Variants in PIGL observed in about 807,000 individuals in gnomAD.
PIGL encodes the protein N-acetylglucosaminyl-phosphatidylinositol de-N-acetylase.
A neutral mutation model predicts 31.1 loss-of-function variants in PIGL; 22 were observed. The ratio of observed to expected loss-of-function variants is 0.71; its 90% CI spans 0.51 to 1.01. PIGL has a LOEUF of 1.01. Among genes scored for constraint, PIGL ranks in the 50% least tolerant of loss-of-function variants. The probability of loss-of-function intolerance (pLI) is 0.00; values close to 1 mark genes in which losing one functional copy is unlikely to be tolerated. For missense variants in PIGL, 302 were observed against 315.9 expected, an observed-to-expected ratio of 0.96 and a Z score of 0.33; for synonymous variants, 131 against 117.4, an observed-to-expected ratio of 1.12 and a Z score of -0.75.
rs2092742511 is a variant in PIGL at position 16,245,721 on chromosome 17, TATATATATACACACACAC to T, written c.335+11669_335+11686del. On this transcript the variant is annotated intron_variant, in intron 2 of 6. Transcript: ENST00000225609. ...CCTGGCCTATATATATATACACACA[TATATATATACACACACAC>T]ATATATATACACACACATATATATA... Among the ~76,000 whole-genome samples, 5 of 150,562 alleles carry T rather than the reference TATATATATACACACACAC, an allele frequency of 3.3e-5. No individual in the cohort carries two copies. In the South Asian group the frequency reaches 1.1e-3, roughly 33 times the overall value.
chr17:16,306,042 G>A (rs368411772), intron 3 of PIGL, among the ~76,000 whole-genome samples: 7 of 152,258 alleles, frequency 4.6e-5, no homozygotes, highest in East Asian at 1.9e-4. Context: ...TCCGCCTCCC[G>A]GGTTCAAGCA....
chr17:16,290,726 G>A (rs2092956920), intron 2 of PIGL, among the ~76,000 whole-genome samples: 1 of 151,716 alleles, frequency 6.6e-6, no homozygotes, highest in South Asian at 2.1e-4. Flanking sequence ...TCTCACCCAG[G>A]TTGCAGTACA....
chr17:16,289,774 ACTTTT>A (rs374791908), intron 2 of PIGL, among the ~76,000 whole-genome samples: 1,585 of 151,418 alleles, frequency 0.01, 27 homozygotes, highest in African/African-American at 0.035. Context: ...GCAATGCCAG[ACTTTT>A]CTTTTCTTTT....
intron 5 of PIGL, chr17:16,316,945 C>A: frequency 7.6e-7 from 1 of 1,315,098 alleles, no homozygotes; most frequent in Admixed American, 3.0e-5. Flanking sequence ...GTTTGCCCCT[C>A]AACCTGTCTA....
intron 2 of PIGL, among the ~76,000 whole-genome samples, chr17:16,276,822 C>T (rs2092897923): frequency 6.6e-6 from 1 of 152,162 alleles, no homozygotes; most frequent in Non-Finnish European, 1.5e-5. Flanking sequence ...TCTCCAGTCT[C>T]CCATTTTTAC....
chr17:16,230,640 A>T (rs1292707458), intron 1 of PIGL, among the ~76,000 whole-genome samples: 21 of 147,554 alleles, frequency 1.4e-4, no homozygotes, highest in Non-Finnish European at 1.3e-4. Context: ...TTTTTTTGAG[A>T]TGGAGTCTCA....
intron 3 of PIGL, among the ~76,000 whole-genome samples, chr17:16,301,603 G>A (rs1379059148): frequency 6.8e-5 from 7 of 103,058 alleles, no homozygotes; most frequent in African/African-American, 2.4e-4. Context: ...ACAGAGTCTC[G>A]CTCTGTTGCC....
At chr17:16,258,101 GAA>G (rs1437710410) in intron 2 of PIGL, among the ~76,000 whole-genome samples, 4,177 of 115,538 alleles carry the variant, frequency 0.036, 139 homozygotes, top group East Asian at 0.072. Flanking sequence ...GAGAGAGAGA[GAA>G]AGAGAGAGAG....
At chr17:16,221,607 A>G (rs940805059) in intron 1 of PIGL, among the ~76,000 whole-genome samples, 1 of 149,662 alleles carries the variant, frequency 6.7e-6, no homozygotes, top group East Asian at 2.0e-4. Context: ...GCATCACCAT[A>G]CCTGGCTAAT....
At chr17:16,263,976 G>A (rs545798014) in intron 2 of PIGL, among the ~76,000 whole-genome samples, 1 of 149,600 alleles carries the variant, frequency 6.7e-6, no homozygotes, top group Non-Finnish European at 1.5e-5. Flanking sequence ...CGAGTAGCTG[G>A]GATTACAGGT....
intron 2 of PIGL, among the ~76,000 whole-genome samples, chr17:16,244,556 T>G (rs1336717438): frequency 6.6e-6 from 1 of 152,220 alleles, no homozygotes; most frequent in Non-Finnish European, 1.5e-5. Context: ...AGATCTTGGT[T>G]ATTAAGATCT....
At chr17:16,324,130 ATTT>A (rs746216623) in intron 6 of PIGL, among the ~76,000 whole-genome samples, 1 of 129,614 alleles carries the variant, frequency 7.7e-6, no homozygotes, top group Non-Finnish European at 1.7e-5. Flanking sequence ...CTAATTTTGG[ATTT>A]TTTTTTTTTT....
chr17:16,300,676 T>A (rs1393575954), intron 3 of PIGL, among the ~76,000 whole-genome samples: 1 of 149,508 alleles, frequency 6.7e-6, no homozygotes, highest in Non-Finnish European at 1.5e-5. Flanking sequence ...TGAGACTCTG[T>A]CTCAGAAAAA....
intron 2 of PIGL, among the ~76,000 whole-genome samples, chr17:16,253,400 A>G (rs2092780985): frequency 6.6e-6 from 1 of 152,230 alleles, no homozygotes; most frequent in Admixed American, 6.5e-5. Context: ...TCATGGTCAA[A>G]GAAACAATTT....
chr17:16,288,852 T>C (rs1008278417), intron 2 of PIGL, among the ~76,000 whole-genome samples: 2 of 152,266 alleles, frequency 1.3e-5, no homozygotes, highest in African/African-American at 4.8e-5. Context: ...AATTCTTTAA[T>C]AGGTCTCTTT....
At chr17:16,287,101 C>T (rs2092941389) in intron 2 of PIGL, among the ~76,000 whole-genome samples, 2 of 152,214 alleles carry the variant, frequency 1.3e-5, no homozygotes, top group South Asian at 4.1e-4. Context: ...GTGTGGGTCC[C>T]TGGGGACCCC....
intron 3 of PIGL, among the ~76,000 whole-genome samples, chr17:16,308,681 T>C (rs1240742499): frequency 6.6e-6 from 1 of 151,160 alleles, no homozygotes; most frequent in Admixed American, 6.6e-5. Flanking sequence ...AAGACCAACC[T>C]CAGTAACATA....
At chr17:16,217,630 C>CACCGAACTT in intron 1 of PIGL, 169 bp downstream of exon 1, 3 of 540,668 alleles carry the variant, frequency 5.5e-6, no homozygotes, top group East Asian at 3.0e-5. Context: ...GGCCGGCTTA[C>CACCGAACTT]CTGGTGGGTT....
chr17:16,317,627 GCAGCTTTAGTGCCACAGAAA>G, intron 5 of PIGL, 128 bp from the exon 6 acceptor site: 1 of 1,473,604 alleles, frequency 6.8e-7, no homozygotes, highest in Admixed American at 2.3e-5. Flanking sequence ...TGGGCACAGG[GCAGCTTTAGTGCCACAGAAA>G]CACGTGGCAA....
Sources: allele counts gnomAD v4.1 joint callset (sites outside exome capture counted in the v4.1 genomes callset), GRCh38; gene constraint gnomAD v4.1.1; transcripts MANE v1.5; gene names NCBI Gene and HGNC (gene_info 2026-07-23, HGNC 2026-07-21).